The following PMM2 variants were observed in gnomAD, a reference collection of about 807,000 sequenced individuals.
PMM2 encodes the protein mannose-6-phosphate isomerase.
Under a neutral mutation model 33.2 loss-of-function variants are expected in PMM2, and 35 were observed. The ratio of observed to expected loss-of-function variants is 1.06; its 90% CI spans 0.81 to 1.40. PMM2 has a LOEUF of 1.40. Ranked by LOEUF, PMM2 falls within the 40% of genes most tolerant of loss-of-function variation. The pLI, the probability that PMM2 is intolerant of heterozygous loss-of-function variation, is 0.00. For missense variants in PMM2, 386 were observed against 306.0 expected (o/e 1.26, Z -1.95); for synonymous variants, 153 against 114.7 (o/e 1.33, Z -2.13).
intron 7 of PMM2, among the ~76,000 whole-genome samples, chr16:8,844,365 G>T (rs943880709): frequency 4.6e-5 from 7 of 152,064 alleles, no homozygotes; most frequent in Non-Finnish European, 1.0e-4. Flanking sequence ...CTCCAGAAAA[G>T]CGGGAAAGGG....
At chr16:8,838,023 T>C (rs534455373) in intron 7 of PMM2, among the ~76,000 whole-genome samples, 13 of 151,954 alleles carry the variant, frequency 8.6e-5, no homozygotes, top group South Asian at 4.1e-4. Context: ...GTGAGCAACA[T>C]GGCTGTTTAT....
chr16:8,839,477 A>G (rs2141044527), intron 7 of PMM2, among the ~76,000 whole-genome samples: 1 of 152,082 alleles, frequency 6.6e-6, no homozygotes, highest in East Asian at 1.9e-4. Flanking sequence ...ATGGTGTATG[A>G]GAAAACGTTG....
At position 8,800,677 on chromosome 16, in the gene PMM2, T is replaced by TTTGTTTTG. The variant is rs1555448803; in HGVS notation, c.67-1120_67-1119insGTTTTGTT. Among the ~76,000 whole-genome samples the TTTGTTTTG allele has an allele frequency of 4.0e-3, 595 of 149,562 alleles. 4 individuals are homozygous for TTTGTTTTG. Among genetic ancestry groups the TTTGTTTTG allele is most frequent in the African/African-American group, 0.014 (557 of 40,048 alleles). ...TTCTAAGCTTCTCCTTTTTTTTTTT[T>TTTGTTTTG]TTTTGTTTTGTTTTGTTTTGTTTTG... On this transcript the variant is annotated intron_variant, in intron 1 of 7. Coordinates refer to ENST00000268261, the MANE Select transcript of PMM2 (RefSeq NM_000303.3).
chr16:8,811,612 A>C, intron 5 of PMM2, 26 bp from the exon 6 acceptor site: 1 of 1,443,992 alleles, frequency 6.9e-7, no homozygotes, highest in Admixed American at 1.7e-5. Context: ...TACAAGAAAC[A>C]ATTGGTATCT....
chr16:8,800,054 A>G (rs1240209246), intron 1 of PMM2, among the ~76,000 whole-genome samples: 3 of 152,204 alleles, frequency 2.0e-5, no homozygotes, highest in Non-Finnish European at 4.4e-5. Flanking sequence ...TGTATTTTCT[A>G]AATTTCTAGT....
intron 7 of PMM2, chr16:8,832,557 A>G (rs2060816996): frequency 1.0e-6 from 1 of 985,294 alleles, no homozygotes; most frequent in Admixed American, 6.1e-5. Flanking sequence ...TCAGGGGACT[A>G]GCATAAACCC....
Position 8,804,748 on chromosome 16 carries a change from T to A in PMM2, c.179-19T>A. On this transcript the variant is annotated intron_variant, in intron 2 of 7. Transcript: ENST00000268261. ...TTTGATTCTTTGCATTCTAAGTGTT[T>A]TTTTGGTTTTGATTGTAGTGGTTGA... 1.9e-6 allele frequency: 3 copies of A among 1,585,796 alleles called. No homozygotes were observed. Among genetic ancestry groups the A allele is most frequent in the Non-Finnish European group, 2.6e-6 (3 of 1,154,160 alleles).
intron 7 of PMM2, among the ~76,000 whole-genome samples, chr16:8,814,689 T>A (rs2060696520): frequency 6.6e-6 from 1 of 152,222 alleles, no homozygotes; most frequent in African/African-American, 2.4e-5. Flanking sequence ...TACCTGTTCT[T>A]TGTATGTTTT....
intron 7 of PMM2, among the ~76,000 whole-genome samples, chr16:8,823,048 G>C (rs1050694888): frequency 1.3e-5 from 2 of 152,150 alleles, no homozygotes; most frequent in African/African-American, 2.4e-5. Flanking sequence ...AGACAGGAAA[G>C]AGGAAATTTA....
intron 7 of PMM2, among the ~76,000 whole-genome samples, chr16:8,818,292 G>A (rs966453433): frequency 2.0e-5 from 3 of 152,236 alleles, no homozygotes; most frequent in African/African-American, 7.2e-5. Flanking sequence ...GGTTTAAGGG[G>A]TTTTGCTATC....
chr16:8,847,826 C>T lies in PMM2; in HGVS notation c.*1C>T, dbSNP rs370860106. On this transcript the variant is annotated 3_prime_UTR_variant, in exon 8 of 8. Coordinates refer to ENST00000268261, the MANE Select transcript of PMM2 (RefSeq NM_000303.3). ...GATCTGTGAACTGCTGTTCTCCTAA[C>T]GTGGGAGCGGGAGGGGCGGGGTCCC... 2.2e-5 allele frequency: 35 copies of T among 1,609,352 alleles called. No homozygotes were observed. Among genetic ancestry groups the T allele is most frequent in the Middle Eastern group, 1.6e-4 (1 of 6,068 alleles).
At chr16:8,811,827 T>G (rs1555449681) in intron 6 of PMM2, 114 bp downstream of exon 6, 4 of 776,840 alleles carry the variant, frequency 5.1e-6, no homozygotes, top group Non-Finnish European at 9.3e-6. Context: ...GCAGGAAGAT[T>G]AAATGAGCAG....
At chr16:8,847,703 C>A in intron 7 of PMM2, 21 bp from the exon 8 acceptor site, 1 of 1,575,050 alleles carries the variant, frequency 6.3e-7, no homozygotes, top group Non-Finnish European at 8.7e-7. Context: ...GAGCCTTCAT[C>A]TGTACTTCGT....
chr16:8,807,115 G>C (rs997751994), intron 4 of PMM2: 2 of 151,710 alleles, frequency 1.3e-5, no homozygotes, highest in Admixed American at 1.3e-4. Context: ...TTCTGCCTCA[G>C]CCTCTCGAGT....
chr16:8,812,971 GC>G lies in PMM2; in HGVS notation c.524-16del. On this transcript the variant is annotated intron_variant, in intron 6 of 7. Coordinates refer to ENST00000268261, the MANE Select transcript of PMM2 (RefSeq NM_000303.3). The stretch of plus-strand genomic sequence containing the variant: ...CCTTTTTCACCTTTTGCCTTTGTGT[GC>G]CCCGTCCCCACCCGGCAGGAGGCCA... The G allele has an allele frequency of 7.1e-7, 1 of 1,402,136 alleles. No homozygotes were observed. The highest frequency in any genetic ancestry group is 1.0e-6 in the Non-Finnish European group (1 of 986,382). 86.9% of individuals were successfully genotyped at this position (1,402,136 alleles called of 1,614,324 possible). A position where few individuals can be genotyped will look rare whatever the true frequency, so the allele number is the denominator to read the frequency against.
chr16:8,824,924 A>G (rs952071904), intron 7 of PMM2, among the ~76,000 whole-genome samples: 3 of 152,256 alleles, frequency 2.0e-5, no homozygotes, highest in Non-Finnish European at 4.4e-5. Flanking sequence ...AAAGCCAAAT[A>G]AAAATCTTTC....
At chr16:8,803,525 C>T (rs941275153) in intron 2 of PMM2, among the ~76,000 whole-genome samples, 3 of 152,164 alleles carry the variant, frequency 2.0e-5, no homozygotes, top group Non-Finnish European at 4.4e-5. Context: ...ACCTGGGAAG[C>T]TTATTAAAAT....
intron 7 of PMM2, among the ~76,000 whole-genome samples, chr16:8,833,205 G>C (rs1161689882): frequency 6.6e-6 from 1 of 152,194 alleles, no homozygotes. Flanking sequence ...GTGAAGTTAA[G>C]AGCAATGTTT....
At chr16:8,817,565 G>C (rs2060714965) in intron 7 of PMM2, among the ~76,000 whole-genome samples, 1 of 152,148 alleles carries the variant, frequency 6.6e-6, no homozygotes, top group South Asian at 2.1e-4. Flanking sequence ...GACTTATTTT[G>C]GGAATTCTTC....
Sources: allele counts gnomAD v4.1 joint callset (sites outside exome capture counted in the v4.1 genomes callset), GRCh38; gene constraint gnomAD v4.1.1; transcripts MANE v1.5; gene names NCBI Gene and HGNC (gene_info 2026-07-23, HGNC 2026-07-21).